Variants in PDE1A observed in about 807,000 individuals in gnomAD.
PDE1A encodes dual specificity calcium/calmodulin-dependent 3',5'-cyclic nucleotide phosphodiesterase 1A.
Under a neutral mutation model 61.7 loss-of-function variants are expected in PDE1A, and 35 were observed. The ratio of observed to expected loss-of-function variants is 0.57; its 90% CI spans 0.43 to 0.75. PDE1A has a LOEUF of 0.75. Among genes scored for constraint, PDE1A ranks in the 30% least tolerant of loss-of-function variants. The pLI is 0.00. For synonymous variants in PDE1A, 232 were observed against 213.2 expected (o/e 1.09, Z -0.77); for missense variants, 597 against 630.6 (o/e 0.95, Z 0.57).
At chr2:182,348,469 G>A (rs1427995112) in intron 1 of PDE1A, among the ~76,000 whole-genome samples, 1 of 152,000 alleles carries the variant, frequency 6.6e-6, no homozygotes, top group African/African-American at 2.4e-5. Flanking sequence ...CTAACAGGAA[G>A]GCCATAAATT....
At chr2:182,149,631 A>G (rs888332737) in intron 13 of PDE1A, among the ~76,000 whole-genome samples, 4 of 152,196 alleles carry the variant, frequency 2.6e-5, no homozygotes, top group African/African-American at 9.6e-5. Flanking sequence ...AGACGCCTTT[A>G]CAATTAACTT....
intron 2 of PDE1A, among the ~76,000 whole-genome samples, chr2:182,440,991 C>A (rs952713413): frequency 1.3e-5 from 2 of 152,078 alleles, no homozygotes; most frequent in Admixed American, 6.6e-5. Flanking sequence ...TAAAGACATA[C>A]CTTAGACTGG....
chr2:182,714,779 G>A, the PDE1A span, among the ~76,000 whole-genome samples: 6 of 151,914 alleles, frequency 3.9e-5, no homozygotes, highest in South Asian at 1.2e-3. Context: ...GGCTGGTCTC[G>A]ACCTCTTGAC....
chr2:182,225,248 G>A (rs1689052057), intron 6 of PDE1A, among the ~76,000 whole-genome samples: 1 of 151,894 alleles, frequency 6.6e-6, no homozygotes, highest in Non-Finnish European at 1.5e-5. Flanking sequence ...CAATCGTGTT[G>A]GAGAATCAAG....
At chr2:182,202,289 C>A (rs1182423913) in intron 8 of PDE1A, among the ~76,000 whole-genome samples, 1 of 152,086 alleles carries the variant, frequency 6.6e-6, no homozygotes, top group Non-Finnish European at 1.5e-5. Flanking sequence ...GATTTCAAGA[C>A]CCTATCTGAT....
At chr2:182,452,664 C>A (rs1685608582) in intron 2 of PDE1A, among the ~76,000 whole-genome samples, 1 of 152,044 alleles carries the variant, frequency 6.6e-6, no homozygotes, top group Non-Finnish European at 1.5e-5. Flanking sequence ...TCTACTGAAG[C>A]CCCAAGCAAA....
the PDE1A span, among the ~76,000 whole-genome samples, chr2:182,554,262 G>C: frequency 5.3e-5 from 8 of 152,096 alleles, no homozygotes; most frequent in Admixed American, 1.3e-4. Context: ...CCATTTTAGT[G>C]CTTTAAATTA....
At chr2:182,361,684 C>A (rs939073196) in intron 1 of PDE1A, among the ~76,000 whole-genome samples, 1 of 152,034 alleles carries the variant, frequency 6.6e-6, no homozygotes, top group Admixed American at 6.6e-5. Flanking sequence ...GCTCACAAAA[C>A]AGCTGGATCC....
intron 2 of PDE1A, among the ~76,000 whole-genome samples, chr2:182,456,749 C>T (rs1372688882): frequency 6.6e-6 from 1 of 151,972 alleles, no homozygotes; most frequent in Non-Finnish European, 1.5e-5. Context: ...TCAATATGTA[C>T]AATAGTAGCA....
chr2:182,143,067 A>G (rs1274456707), downstream of PDE1A: 2 of 152,224 alleles, frequency 1.3e-5, no homozygotes, highest in African/African-American at 4.8e-5. Flanking sequence ...GAAAATATGG[A>G]TCAGAGAAGA....
intron 2 of PDE1A, among the ~76,000 whole-genome samples, chr2:182,505,448 A>G (rs543114963): frequency 2.3e-4 from 35 of 152,230 alleles, no homozygotes; most frequent in Non-Finnish European, 4.3e-4. Context: ...AGTAATTTAC[A>G]GGAACAGCTA....
intron 2 of PDE1A, among the ~76,000 whole-genome samples, chr2:182,496,427 A>G (rs993489704): frequency 1.5e-4 from 23 of 152,232 alleles, no homozygotes; most frequent in African/African-American, 5.3e-4. Flanking sequence ...AGTAGAAATA[A>G]AAATACTGAA....
At chr2:182,531,140 AATACAG>A in the PDE1A span, among the ~76,000 whole-genome samples, 1 of 151,984 alleles carries the variant, frequency 6.6e-6, no homozygotes, top group Admixed American at 6.6e-5. Flanking sequence ...TACACTTAAA[AATACAG>A]ATATAGATGA....
intron 1 of PDE1A, among the ~76,000 whole-genome samples, chr2:182,385,128 T>A (rs901080315): frequency 2.6e-5 from 4 of 152,014 alleles, no homozygotes; most frequent in Admixed American, 6.6e-5. Flanking sequence ...GCAGAGGGAA[T>A]CCATCTCCAC....
At chr2:182,666,623 AT>A in the PDE1A span, among the ~76,000 whole-genome samples, 1 of 148,306 alleles carries the variant, frequency 6.7e-6, no homozygotes, top group Non-Finnish European at 1.5e-5. Context: ...AAAAAAAAAA[AT>A]TATAGACAAT....
intron 2 of PDE1A, among the ~76,000 whole-genome samples, chr2:182,508,508 T>A (rs1335223425): frequency 6.6e-6 from 1 of 151,796 alleles, no homozygotes; most frequent in Non-Finnish European, 1.5e-5. Context: ...AGTAATTCAT[T>A]TATGTTTTCT....
upstream of PDE1A, among the ~76,000 whole-genome samples, chr2:182,431,439 T>C (rs1041609986): frequency 1.3e-5 from 2 of 152,164 alleles, no homozygotes; most frequent in Non-Finnish European, 2.9e-5. Context: ...CACCACTTGG[T>C]CAATTATACC....
At chr2:182,497,487 G>C (rs79303019) in intron 2 of PDE1A, among the ~76,000 whole-genome samples, 1 of 152,242 alleles carries the variant, frequency 6.6e-6, no homozygotes, top group South Asian at 2.1e-4. Flanking sequence ...TTCCCATGTC[G>C]CTTTGGGAAA....
At chr2:182,159,903 T>A (rs1691287861) in intron 13 of PDE1A, among the ~76,000 whole-genome samples, 1 of 152,152 alleles carries the variant, frequency 6.6e-6, no homozygotes, top group African/African-American at 2.4e-5. Flanking sequence ...CAGTGAGCTA[T>A]GATTATGCCA....
Sources: gnomAD v4.1 joint callset for allele counts (sites outside exome capture counted in the v4.1 genomes callset) on GRCh38, gnomAD v4.1.1 for gene constraint, MANE v1.5 for transcripts, NCBI Gene and HGNC (gene_info 2026-07-23, HGNC 2026-07-21) for gene names.